KIF14: variants seen among roughly 807,000 people sequenced by gnomAD.
The protein encoded by KIF14 is kinesin-like protein KIF14.
KIF14 carries 98 observed loss-of-function variants against 176.2 expected under a neutral mutation model. The ratio of observed to expected loss-of-function variants is 0.56; its 90% CI spans 0.47 to 0.66. The LOEUF (loss-of-function observed/expected upper bound fraction) is 0.66, where lower values mean the gene tolerates loss of function less well. Among genes scored for constraint, KIF14 ranks in the 30% least tolerant of loss-of-function variants. KIF14 has a pLI of 0.00. For missense variants in KIF14, 1,751 were observed against 1,920.4 expected (o/e 0.91, Z 1.65); for synonymous variants, 566 against 632.2 (o/e 0.90, Z 1.57).
chr1:200,602,712 G>A (rs1659684460), intron 10 of KIF14, among the ~76,000 whole-genome samples: 1 of 152,114 alleles, frequency 6.6e-6, no homozygotes, highest in South Asian at 2.1e-4. Flanking sequence ...AATCCATACA[G>A]ATGTAATCTG....
rs145426227 is a variant in KIF14, at chr1:200,569,952, T to C, written c.3620A>G (p.Gln1207Arg). The change falls in exon 23 of 30, where the codon CAA becomes CGA. Residue 1207 changes from glutamine (Q) to arginine (R), a missense_variant. Transcript: ENST00000367350. ...ATGCAAATTCTTAATTGGATGGACTTGTATGTCATGTAAACAACCAGAAAT... is the reference window on the plus strand; with the variant it reads ...ATGCAAATTCTTAATTGGATGGACTCGTATGTCATGTAAACAACCAGAAAT... ...RRISGCLHDI[Q>R]VHPIKNLHSS... The C allele has an allele frequency of 6.2e-4, 998 of 1,605,032 alleles. 4 individuals carry two copies. Among genetic ancestry groups the C allele is most frequent in the Non-Finnish European group, 4.8e-4 (565 of 1,174,076 alleles).
intron 4 of KIF14, among the ~76,000 whole-genome samples, chr1:200,612,152 A>G (rs1204588401): frequency 6.6e-6 from 1 of 151,896 alleles, no homozygotes; most frequent in Non-Finnish European, 1.5e-5. Context: ...ACAGGCGCCC[A>G]CCACCACACC....
chr1:200,590,421 A>T (rs1658994059), intron 16 of KIF14, 149 bp from the exon 17 acceptor site: 1 of 714,814 alleles, frequency 1.4e-6, no homozygotes, highest in Admixed American at 3.2e-5. Context: ...TGTTTTTAAA[A>T]TTTTCACTGG....
chr1:200,593,985 TA>T (rs1306023219), intron 14 of KIF14, among the ~76,000 whole-genome samples: 3 of 133,394 alleles, frequency 2.2e-5, no homozygotes, highest in African/African-American at 8.6e-5. Flanking sequence ...GGCTGGAGTG[TA>T]GTGATACAAT....
At position 200,565,238 on chromosome 1, in the gene KIF14, C is replaced by G. The variant is rs751264474; in HGVS notation, c.3902G>C (p.Arg1301Pro). ...CTGAATAGTAAGTGACTGGATTGCTCGATCAGAAGAAAACACTTTGAAAGA... is the reference window on the plus strand; with the variant it reads ...CTGAATAGTAAGTGACTGGATTGCTGGATCAGAAGAAAACACTTTGAAAGA... ...ESQDNLFSSD[R>P]AIQSLTIQTA... Residue 1301 changes from arginine to proline, a missense_variant, in exon 25 of 30, where the codon CGA becomes CCA. By Grantham distance (103) the Arg-to-Pro change is moderately radical. Coordinates refer to ENST00000367350, the MANE Select transcript of KIF14 (RefSeq NM_014875.3). The G allele has an allele frequency of 6.3e-7, 1 of 1,595,100 alleles. No individual in the cohort carries two copies.
At chr1:200,574,179 T>C (rs988003827) in intron 22 of KIF14, among the ~76,000 whole-genome samples, 2 of 152,228 alleles carry the variant, frequency 1.3e-5, no homozygotes. Flanking sequence ...ATGATGCTTC[T>C]GCTGACAGAT....
intron 25 of KIF14, 56 bp from the exon 26 acceptor site, chr1:200,560,936 A>G: frequency 6.6e-7 from 1 of 1,511,150 alleles, no homozygotes; most frequent in Non-Finnish European, 9.2e-7. Flanking sequence ...ACAGGTGGTA[A>G]AGAAAAGATA....
chr1:200,584,878 G>A (rs1181949434), intron 19 of KIF14, among the ~76,000 whole-genome samples: 1 of 152,000 alleles, frequency 6.6e-6, no homozygotes, highest in Non-Finnish European at 1.5e-5. Flanking sequence ...AGAGATAAAA[G>A]GTATCCAAAC....
chr1:200,568,163 C>T (rs1657573457), intron 23 of KIF14, among the ~76,000 whole-genome samples: 1 of 152,168 alleles, frequency 6.6e-6, no homozygotes, highest in Non-Finnish European at 1.5e-5. Context: ...CTCACAGCTG[C>T]CCAGACGGGG....
chr1:200,582,141 A>C (rs1334477182), intron 19 of KIF14, among the ~76,000 whole-genome samples: 1 of 152,144 alleles, frequency 6.6e-6, no homozygotes, highest in African/African-American at 2.4e-5. Flanking sequence ...TGGGAGGCTG[A>C]GGCAGGAGGA....
chr1:200,567,263 C>T (rs1253058718), intron 23 of KIF14, among the ~76,000 whole-genome samples: 2 of 151,848 alleles, frequency 1.3e-5, no homozygotes, highest in Non-Finnish European at 2.9e-5. Flanking sequence ...TAAAACCGGC[C>T]GGGCACGGTG....
At chr1:200,574,346 C>T (rs1278680899) in intron 22 of KIF14, among the ~76,000 whole-genome samples, 3 of 152,152 alleles carry the variant, frequency 2.0e-5, no homozygotes, top group African/African-American at 7.2e-5. Context: ...ACGACTTTCC[C>T]CTAGTCAGTC....
chr1:200,608,751 C>T (rs1660011130), intron 5 of KIF14, 79 bp downstream of exon 5: 2 of 810,200 alleles, frequency 2.5e-6, no homozygotes, highest in Admixed American at 2.0e-5. Flanking sequence ...TTAAGCTATA[C>T]CATCCAGAGA....
intron 19 of KIF14, among the ~76,000 whole-genome samples, chr1:200,583,803 A>G (rs1658588814): frequency 6.6e-6 from 1 of 151,834 alleles, no homozygotes; most frequent in Non-Finnish European, 1.5e-5. Context: ...TTAGCTGGGC[A>G]TGGTGGTGCA....
rs1660466017 is a variant in KIF14, at chr1:200,617,640, C to T, written c.1084G>A (p.Ala362Thr). The T allele has an allele frequency of 6.2e-7, 1 of 1,612,112 alleles. No homozygotes were observed. Among genetic ancestry groups the T allele is most frequent in the Non-Finnish European group, 8.5e-7 (1 of 1,178,690 alleles). Residue 362 changes from alanine to threonine, a missense_variant, in exon 2 of 30, where the codon GCA becomes ACA. Physicochemically the swap from Ala to Thr is moderately conservative, Grantham distance 58 (BLOSUM62 0). Transcript: ENST00000367350. ...TTGGTGAAAGGTCTTACGCGTACTG[C>T]CACTGTCACTTGACTATTCTCTACT... ...LKVENSQVTV[A>T]VRVRPFTKRE...
In KIF14 at chr1:200,590,279, T is replaced by G. The variant is rs568099769; in HGVS notation, c.2814-7A>C. 3 of 1,609,690 alleles carry G rather than the reference T, an allele frequency of 1.9e-6. No individual in the cohort carries two copies. The South Asian group carries it at 3.3e-5, about 18-fold the overall frequency. ...TTTTATTTCTGCTTCAAGTCTACAA[T>G]GTAGCAAGATGTTTATAGGGTACAT... On this transcript the variant is annotated splice_region_variant and splice_polypyrimidine_tract_variant and intron_variant, in intron 16 of 29. Coordinates refer to ENST00000367350, the MANE Select transcript of KIF14 (RefSeq NM_014875.3).
At chr1:200,563,620 A>G (rs928742248) in intron 25 of KIF14, among the ~76,000 whole-genome samples, 2 of 152,134 alleles carry the variant, frequency 1.3e-5, no homozygotes, top group Non-Finnish European at 2.9e-5. Context: ...CTGGTCTCAA[A>G]GTCCCAGGCT....
intron 13 of KIF14, 55 bp from the exon 14 acceptor site, chr1:200,598,476 T>C (rs1377302405): frequency 5.9e-6 from 8 of 1,353,002 alleles, no homozygotes; most frequent in Non-Finnish European, 7.2e-6. Context: ...AATTGTTAAA[T>C]TCACCTAAAA....
At chr1:200,620,301 A>T (rs1280674104) in intron 1 of KIF14, 110 bp downstream of exon 1, 1 of 152,268 alleles carries the variant, frequency 6.6e-6, no homozygotes, top group Non-Finnish European at 1.5e-5. Context: ...ATCAGATTTT[A>T]AAGAGGACTG....
Sources: gnomAD v4.1 joint callset for allele counts (sites outside exome capture counted in the v4.1 genomes callset) on GRCh38, gnomAD v4.1.1 for gene constraint, MANE v1.5 for transcripts, NCBI Gene and HGNC (gene_info 2026-07-23, HGNC 2026-07-21) for gene names.